The following PTPRD variants were observed in gnomAD, a reference collection of about 807,000 sequenced individuals.
PTPRD encodes the protein receptor-type tyrosine-protein phosphatase delta.
A neutral mutation model predicts 214.5 loss-of-function variants in PTPRD; 34 were observed. The ratio of observed to expected loss-of-function variants is 0.16; its 90% CI spans 0.12 to 0.21. The LOEUF is 0.21. PTPRD is among the 10% of genes least tolerant of loss of function. The probability of loss-of-function intolerance (pLI) is 1.00; values close to 1 mark genes in which losing one functional copy is unlikely to be tolerated. For missense variants in PTPRD, 2,545 were observed against 2,398.7 expected (o/e 1.06, Z -1.27); for synonymous variants, 1,128 against 845.7 (o/e 1.33, Z -5.79).
chr9:10,405,299 A>C (rs989021116), intron 2 of PTPRD, among the ~76,000 whole-genome samples: 1 of 151,744 alleles, frequency 6.6e-6, no homozygotes, highest in African/African-American at 2.4e-5. Context: ...CATTATAACA[A>C]GTAAGTTTTT....
At chr9:9,954,193 G>A (rs189697653) in intron 4 of PTPRD, among the ~76,000 whole-genome samples, 2 of 151,096 alleles carry the variant, frequency 1.3e-5, no homozygotes, top group Admixed American at 6.6e-5. Context: ...CTACTTGGGA[G>A]GCTGAGGGAT....
chr9:8,646,413 C>T (rs1167532855), intron 12 of PTPRD, among the ~76,000 whole-genome samples: 2 of 152,152 alleles, frequency 1.3e-5, no homozygotes, highest in African/African-American at 2.4e-5. Flanking sequence ...ACCAGAAATA[C>T]TGTTTGGCCT....
At chr9:9,334,549 C>T (rs1302730453) in intron 9 of PTPRD, among the ~76,000 whole-genome samples, 4 of 151,796 alleles carry the variant, frequency 2.6e-5, no homozygotes, top group African/African-American at 7.3e-5. Context: ...AAATCAGTTA[C>T]GAGAAATAAA....
chr9:8,514,465 C>T (rs1335624198), intron 21 of PTPRD, among the ~76,000 whole-genome samples: 1 of 150,538 alleles, frequency 6.6e-6, no homozygotes, highest in Non-Finnish European at 1.5e-5. Context: ...AGATTTACTG[C>T]TTGAGTGTAA....
At chr9:9,083,808 A>AT (rs1333777386) in intron 10 of PTPRD, among the ~76,000 whole-genome samples, 2 of 152,238 alleles carry the variant, frequency 1.3e-5, no homozygotes, top group Non-Finnish European at 2.9e-5. Context: ...AAAAAAGCTC[A>AT]TCATCACTGG....
intron 11 of PTPRD, among the ~76,000 whole-genome samples, chr9:8,791,579 G>C (rs553429233): frequency 3.0e-5 from 4 of 132,934 alleles, no homozygotes; most frequent in Middle Eastern, 4.7e-3. Flanking sequence ...CCAGGCTATA[G>C]TGCAGTGGGG....
chr9:10,285,776 A>C (rs536470059), intron 3 of PTPRD, among the ~76,000 whole-genome samples: 6 of 151,896 alleles, frequency 4.0e-5, no homozygotes, highest in African/African-American at 1.4e-4. Context: ...ATGCCTGGCT[A>C]ACTTTTTGTA....
chr9:9,154,631 T>C (rs568838336), intron 10 of PTPRD, among the ~76,000 whole-genome samples: 2 of 152,334 alleles, frequency 1.3e-5, no homozygotes, highest in East Asian at 3.9e-4. Context: ...CAGTCGATAG[T>C]AGTTATAAAA....
intron 4 of PTPRD, among the ~76,000 whole-genome samples, chr9:9,959,477 A>G (rs574242234): frequency 6.6e-6 from 1 of 152,200 alleles, no homozygotes; most frequent in South Asian, 2.1e-4. Context: ...AGCACAGAGT[A>G]AAACTTAATG....
intron 9 of PTPRD, among the ~76,000 whole-genome samples, chr9:9,359,259 G>A (rs1217420742): frequency 1.3e-5 from 2 of 151,280 alleles, no homozygotes; most frequent in African/African-American, 2.4e-5. Flanking sequence ...CATTTAAGCT[G>A]CATTAGTCTA....
At chr9:10,353,376 G>T (rs1354342541) in intron 2 of PTPRD, among the ~76,000 whole-genome samples, 1 of 151,956 alleles carries the variant, frequency 6.6e-6, no homozygotes, top group Non-Finnish European at 1.5e-5. Context: ...GACTATTTCA[G>T]AGTTTGTTTA....
At chr9:10,112,909 G>C (rs1007948768) in intron 3 of PTPRD, among the ~76,000 whole-genome samples, 3 of 152,178 alleles carry the variant, frequency 2.0e-5, no homozygotes, top group Non-Finnish European at 4.4e-5. Flanking sequence ...TTTAGAGCTT[G>C]TCTGTTCTAA....
intron 30 of PTPRD, among the ~76,000 whole-genome samples, chr9:8,476,784 A>G (rs1197347799): frequency 2.6e-5 from 4 of 152,210 alleles, no homozygotes; most frequent in Admixed American, 2.6e-4. Flanking sequence ...AGTGGGTACA[A>G]GAGGTGGCTC....
intron 11 of PTPRD, among the ~76,000 whole-genome samples, chr9:8,735,015 G>A (rs149295610): frequency 1.3e-5 from 2 of 152,150 alleles, no homozygotes; most frequent in Middle Eastern, 3.4e-3. Context: ...CCTCCCAAAG[G>A]TCAGCATGCA....
At chr9:9,765,171 CAA>C (rs1156937574) in intron 6 of PTPRD, among the ~76,000 whole-genome samples, 1 of 151,048 alleles carries the variant, frequency 6.6e-6, no homozygotes, top group Non-Finnish European at 1.5e-5. Context: ...AAAAGAGTGG[CAA>C]AAAAAATATC....
chr9:8,681,480 C>G (rs1403724485), intron 12 of PTPRD, among the ~76,000 whole-genome samples: 1 of 152,124 alleles, frequency 6.6e-6, no homozygotes, highest in African/African-American at 2.4e-5. Flanking sequence ...TTCTGTTATT[C>G]CCAGCCTTCT....
intron 2 of PTPRD, among the ~76,000 whole-genome samples, chr9:10,541,918 CT>C (rs1219963939): frequency 2.6e-5 from 4 of 152,036 alleles, no homozygotes; most frequent in African/African-American, 4.8e-5. Flanking sequence ...GTATTTTCCC[CT>C]GGCAGATAAA....
At chr9:10,601,231 G>C (rs984859808) in intron 2 of PTPRD, among the ~76,000 whole-genome samples, 1 of 151,654 alleles carries the variant, frequency 6.6e-6, no homozygotes, top group African/African-American at 2.4e-5. Flanking sequence ...GGAGACAGTA[G>C]GTAGCCATCC....
chr9:8,448,301 C>G (rs1275824775), intron 34 of PTPRD, among the ~76,000 whole-genome samples: 1 of 152,170 alleles, frequency 6.6e-6, no homozygotes, highest in East Asian at 1.9e-4. Context: ...GCACTCCAGC[C>G]TGGACAATCG....
Sources: allele counts gnomAD v4.1 joint callset (sites outside exome capture counted in the v4.1 genomes callset), GRCh38; gene constraint gnomAD v4.1.1; transcripts MANE v1.5; gene names NCBI Gene and HGNC (gene_info 2026-07-23, HGNC 2026-07-21).